Variants in LRGUK observed in about 807,000 individuals in gnomAD.
LRGUK encodes leucine-rich repeat and guanylate kinase domain-containing protein.
Under a neutral mutation model 76.0 loss-of-function variants are expected in LRGUK, and 65 were observed. That is an observed-to-expected ratio of 0.85 (90% CI 0.70 to 1.05). The LOEUF (loss-of-function observed/expected upper bound fraction) is 1.05, where lower values mean the gene tolerates loss of function less well. Ranked by LOEUF, LRGUK falls within the 50% of genes least tolerant of loss-of-function variation. The pLI, the probability that LRGUK is intolerant of heterozygous loss-of-function variation, is 0.00. For synonymous variants in LRGUK, 268 were observed against 265.6 expected (o/e 1.01, Z -0.09); for missense variants, 758 against 732.8 (o/e 1.03, Z -0.40).
At chr7:134,170,524 A>G (rs561405953) in intron 7 of LRGUK, among the ~76,000 whole-genome samples, 1 of 152,244 alleles carries the variant, frequency 6.6e-6, no homozygotes, top group African/African-American at 2.4e-5. Context: ...CAGAATAACT[A>G]AAAGAGTAGA....
At chr7:134,258,392 A>C in exon 19 of LRGUK, 1 of 1,613,908 alleles carries the variant, frequency 6.2e-7, no homozygotes, top group Non-Finnish European at 8.5e-7. Context: ...GTGAGACCGA[A>C]GAGACCCGGA....
chr7:134,184,717 A>G lies in LRGUK; in HGVS notation c.1334+864A>G, dbSNP rs77642249. The stretch of plus-strand genomic sequence containing the variant: ...TCCCCACCTTTTCCATAAAAGGCTT[A>G]TTGGCTTCTTTGCCACTTATTATAC... On this transcript the variant is annotated intron_variant, in intron 11 of 15. Coordinates refer to ENST00000645682, the Ensembl canonical transcript of LRGUK. Among the ~76,000 whole-genome samples the G allele has an allele frequency of 2.2e-4, 33 of 152,264 alleles. 1 individual carries two copies. Among genetic ancestry groups the G allele is most frequent in the African/African-American group, 7.7e-4 (32 of 41,554 alleles).
At chr7:134,239,119 A>AAAGCTCCAGTCTG (rs1314699134) in intron 16 of LRGUK, among the ~76,000 whole-genome samples, 3 of 152,166 alleles carry the variant, frequency 2.0e-5, no homozygotes, top group African/African-American at 7.2e-5. Context: ...CTGAATAGGA[A>AAAGCTCCAGTCTG]CAGCTCCAGT....
downstream of LRGUK, chr7:134,210,300 C>G (rs1223668099): frequency 4.3e-5 from 17 of 398,596 alleles, no homozygotes; most frequent in Non-Finnish European, 1.3e-5. Context: ...TCTGAGCAAC[C>G]AGAGAAGCAA....
intron 1 of LRGUK, among the ~76,000 whole-genome samples, chr7:134,133,622 T>A (rs1797400240): frequency 6.6e-6 from 1 of 152,286 alleles, no homozygotes; most frequent in South Asian, 2.1e-4. Flanking sequence ...TATAGAGATT[T>A]TTTTCCCCCT....
the LRGUK span, among the ~76,000 whole-genome samples, chr7:134,271,716 G>C: frequency 6.6e-6 from 1 of 151,706 alleles, no homozygotes; most frequent in Non-Finnish European, 1.5e-5. Context: ...ATTTATGTAG[G>C]TTTTCATTAA....
At position 134,264,283 on chromosome 7, in the gene LRGUK, C is replaced by T. The variant is rs1169853897; in HGVS notation, c.*308C>T. The T allele has an allele frequency of 5.0e-4, 101 of 203,954 alleles. 1 individual carries two copies. 12.6% of individuals were successfully genotyped at this position (203,954 alleles called of 1,614,324 possible). On this transcript the variant is annotated 3_prime_UTR_variant, in exon 20 of 20. Coordinates refer to the LRGUK transcript ENST00000285928. ...CTATAGCTATAAATAATTTTTTCCA[C>T]CTGCTCCCTGCTCGGAAATATCAGA...
At chr7:134,127,376 C>T in exon 1 of LRGUK, 2 of 1,601,610 alleles carry the variant, frequency 1.2e-6, no homozygotes, top group Non-Finnish European at 1.7e-6. Flanking sequence ...AGATGGCGAC[C>T]TCCGAGAGGG....
intron 4 of LRGUK, among the ~76,000 whole-genome samples, chr7:134,144,587 T>TAGG: frequency 6.6e-6 from 1 of 152,252 alleles, no homozygotes; most frequent in Non-Finnish European, 1.5e-5. Flanking sequence ...TATTGCCTTT[T>TAGG]ATTATCTATT....
intron 5 of LRGUK, among the ~76,000 whole-genome samples, chr7:134,157,679 C>G (rs1003135550): frequency 6.6e-6 from 1 of 152,178 alleles, no homozygotes; most frequent in African/African-American, 2.4e-5. Context: ...CCCACCACCA[C>G]GCCCGGCTAA....
chr7:134,127,390 T>G, exon 1 of LRGUK: 2 of 1,609,108 alleles, frequency 1.2e-6, no homozygotes, highest in African/African-American at 1.3e-5. Context: ...GAGAGGGCTC[T>G]CCTGAGGACC....
intron 15 of LRGUK, among the ~76,000 whole-genome samples, chr7:134,220,592 T>C (rs1166719317): frequency 6.6e-6 from 1 of 151,912 alleles, no homozygotes; most frequent in East Asian, 1.9e-4. Context: ...TTTTTTTTTT[T>C]CTTTTGTCGT....
At chr7:134,238,656 CTT>C (rs974671704) in intron 16 of LRGUK, among the ~76,000 whole-genome samples, 12 of 151,896 alleles carry the variant, frequency 7.9e-5, no homozygotes, top group African/African-American at 2.9e-4. Flanking sequence ...TTCTTAATGT[CTT>C]TCGTTTATTC....
At chr7:134,160,219 T>C (rs1798665448) in intron 6 of LRGUK, among the ~76,000 whole-genome samples, 1 of 152,184 alleles carries the variant, frequency 6.6e-6, no homozygotes, top group Non-Finnish European at 1.5e-5. Context: ...TTATAATACG[T>C]AGCATTTTCA....
intron 8 of LRGUK, 26 bp from the exon 9 acceptor site, chr7:134,176,951 A>G (rs759481304): frequency 7.0e-7 from 1 of 1,430,850 alleles, no homozygotes; most frequent in South Asian, 1.2e-5. Flanking sequence ...AAGGCAACTG[A>G]ACAGTCCTCT....
intron 11 of LRGUK, among the ~76,000 whole-genome samples, chr7:134,186,467 CA>C (rs1799983827): frequency 6.6e-6 from 1 of 152,204 alleles, no homozygotes; most frequent in Non-Finnish European, 1.5e-5. Flanking sequence ...TATGTCCAGA[CA>C]CTTAATATGT....
intron 1 of LRGUK, among the ~76,000 whole-genome samples, chr7:134,135,317 G>A (rs1797478646): frequency 6.6e-6 from 1 of 152,152 alleles, no homozygotes; most frequent in Admixed American, 6.5e-5. Flanking sequence ...CCTCCCCTGG[G>A]TGGGTAAAAG....
At chr7:134,191,557 G>T in intron 11 of LRGUK, 98 bp from the exon 12 acceptor site, 1 of 831,386 alleles carries the variant, frequency 1.2e-6, no homozygotes, top group Non-Finnish European at 2.0e-6. Flanking sequence ...ATGATTTGTG[G>T]ATTAACTTCA....
chr7:134,176,078 A>G (rs1419216782), intron 8 of LRGUK, among the ~76,000 whole-genome samples: 1 of 152,168 alleles, frequency 6.6e-6, no homozygotes, highest in Non-Finnish European at 1.5e-5. Flanking sequence ...TAGCCTTTAG[A>G]AATGAGGATA....
Sources: allele counts gnomAD v4.1 joint callset (sites outside exome capture counted in the v4.1 genomes callset), GRCh38; gene constraint gnomAD v4.1.1; transcripts MANE v1.5; gene names NCBI Gene and HGNC (gene_info 2026-07-23, HGNC 2026-07-21).